The following RAP1GAP2 variants were observed in gnomAD, a reference collection of about 807,000 sequenced individuals.
RAP1GAP2 encodes rap1 GTPase-activating protein 2.
A neutral mutation model predicts 95.0 loss-of-function variants in RAP1GAP2; 27 were observed. The ratio of observed to expected loss-of-function variants is 0.28; its 90% CI spans 0.21 to 0.39. The LOEUF is 0.39. Among genes scored for constraint, RAP1GAP2 ranks in the 10% least tolerant of loss-of-function variants. The probability of loss-of-function intolerance (pLI) is 1.00; values close to 1 mark genes in which losing one functional copy is unlikely to be tolerated. For synonymous variants in RAP1GAP2, 373 were observed against 380.9 expected (o/e 0.98, Z 0.24); for missense variants, 771 against 970.0 (o/e 0.79, Z 2.72).
At chr17:2,810,638 C>T (rs1040741491) in intron 2 of RAP1GAP2, among the ~76,000 whole-genome samples, 1 of 139,500 alleles carries the variant, frequency 7.2e-6, no homozygotes, top group Admixed American at 8.2e-5. Flanking sequence ...TCAAGTGATT[C>T]TCCTGCCTTA....
At chr17:2,798,595 A>G (rs190039435) in intron 1 of RAP1GAP2, among the ~76,000 whole-genome samples, 1 of 122,932 alleles carries the variant, frequency 8.1e-6, no homozygotes, top group East Asian at 2.6e-4. Context: ...TCCAAGCTCC[A>G]TTGGATGCAG....
chr17:2,905,674 G>C (rs898293699), intron 3 of RAP1GAP2, among the ~76,000 whole-genome samples: 1 of 152,212 alleles, frequency 6.6e-6, no homozygotes, highest in Non-Finnish European at 1.5e-5. Context: ...GGGGATAGAA[G>C]GCAGCTGCCC....
At chr17:2,907,907 A>G (rs2042252170) in intron 3 of RAP1GAP2, among the ~76,000 whole-genome samples, 1 of 152,130 alleles carries the variant, frequency 6.6e-6, no homozygotes, top group Non-Finnish European at 1.5e-5. Context: ...CCTGGGTTCA[A>G]GCGCTTCTCC....
At chr17:2,915,179 C>T (rs1360141974) in intron 3 of RAP1GAP2, among the ~76,000 whole-genome samples, 1 of 152,130 alleles carries the variant, frequency 6.6e-6, no homozygotes, top group Non-Finnish European at 1.5e-5. Context: ...TGCCTGGGCT[C>T]CCAAATTGTT....
chr17:2,920,329 A>G (rs1220674365), intron 3 of RAP1GAP2, among the ~76,000 whole-genome samples: 1 of 152,120 alleles, frequency 6.6e-6, no homozygotes, highest in Non-Finnish European at 1.5e-5. Context: ...CTGATAGAGC[A>G]CTTGGCATTC....
In RAP1GAP2 at chr17:3,005,239, G is replaced by A. The variant is rs992256866; in HGVS notation, c.1201-130G>A. On this transcript the variant is annotated intron_variant, in intron 14 of 24. Transcript: ENST00000254695. The surrounding 1 kb of genome is among the most constrained non-coding windows in gnomAD (Gnocchi z 5.2). ...AGGGCCTGTGCTGGCGATGCTCACA[G>A]GAGTATTTTGTTTGTGTTCTGGGAA... 2 of 937,306 alleles carry A rather than the reference G, an allele frequency of 2.1e-6. No individual in the cohort carries two copies. The highest frequency in any genetic ancestry group is 3.5e-6 in the Non-Finnish European group (2 of 570,540). The allele number at this position is 937,306 out of a possible 1,614,324, so 58.1% of individuals were successfully genotyped here. A position where few individuals can be genotyped will look rare whatever the true frequency, so the allele number is the denominator to read the frequency against.
chr17:2,800,772 A>C (rs2069254169), intron 2 of RAP1GAP2, among the ~76,000 whole-genome samples: 1 of 151,712 alleles, frequency 6.6e-6, no homozygotes, highest in Admixed American at 6.6e-5. Context: ...CAGGGGCTAG[A>C]ATGGTGGGAG....
At chr17:2,974,435 A>T (rs1417623447) in intron 8 of RAP1GAP2, among the ~76,000 whole-genome samples, 4 of 152,082 alleles carry the variant, frequency 2.6e-5, no homozygotes, top group Non-Finnish European at 4.4e-5. Context: ...TTTCAGACAT[A>T]AAAAAATGGA....
rs916709975 is a variant in RAP1GAP2 at position 2,980,198 on chromosome 17, C to T, written c.597-89C>T. 7.0e-6 allele frequency: 9 copies of T among 1,279,062 alleles called. No individual in the cohort carries two copies. In the African/African-American group the frequency reaches 8.8e-5, roughly 12 times the overall value. The allele number at this position is 1,279,062 out of a possible 1,614,324, so 79.2% of individuals were successfully genotyped here. On this transcript the variant is annotated intron_variant, in intron 8 of 24. Transcript: ENST00000254695. Reference sequence around the variant, plus strand: ...CCTCAAGTGATCTGCCCTCCTTGGCCTCCCAAAATGCTGAGATGACAGGCA... The same window carrying T: ...CCTCAAGTGATCTGCCCTCCTTGGCTTCCCAAAATGCTGAGATGACAGGCA...
intron 2 of RAP1GAP2, among the ~76,000 whole-genome samples, chr17:2,836,120 G>T (rs2071117264): frequency 6.6e-6 from 1 of 152,124 alleles, no homozygotes; most frequent in South Asian, 2.1e-4. Flanking sequence ...TTCGGGGGGT[G>T]CTCCCTGTGG....
At chr17:2,864,151 A>G (rs1051873862) in intron 2 of RAP1GAP2, among the ~76,000 whole-genome samples, 3 of 151,842 alleles carry the variant, frequency 2.0e-5, no homozygotes, top group African/African-American at 4.8e-5. Context: ...GAGTGCAGAC[A>G]GCAGCAGCCC....
intron 2 of RAP1GAP2, among the ~76,000 whole-genome samples, chr17:2,858,085 G>T (rs1033128669): frequency 6.6e-6 from 1 of 152,128 alleles, no homozygotes; most frequent in Non-Finnish European, 1.5e-5. Flanking sequence ...GGGCAACACA[G>T]CGAGACTCTG....
chr17:2,856,688 AGGGAT>A (rs2072152768), intron 2 of RAP1GAP2, among the ~76,000 whole-genome samples: 1 of 152,140 alleles, frequency 6.6e-6, no homozygotes, highest in Non-Finnish European at 1.5e-5. Context: ...AGGGACAGGG[AGGGAT>A]TGGCTGGGAC....
In RAP1GAP2 at chr17:2,942,483, C is replaced by A. The variant is rs546790719; in HGVS notation, c.166-15276C>A. Among the ~76,000 whole-genome samples, 8 of 152,190 alleles carry A rather than the reference C, an allele frequency of 5.3e-5. 1 individual carries two copies. Among genetic ancestry groups the A allele is most frequent in the African/African-American group, 1.9e-4 (8 of 41,526 alleles). On this transcript the variant is annotated intron_variant, in intron 3 of 24. Transcript: ENST00000254695. ...ATCCATGTACAAAAATTGGGAGACTCACACAAAAAATTGGATTTCTGGCTT... is the reference window on the plus strand; with the variant it reads ...ATCCATGTACAAAAATTGGGAGACTAACACAAAAAATTGGATTTCTGGCTT...
intron 2 of RAP1GAP2, among the ~76,000 whole-genome samples, chr17:2,839,420 A>ATCCATTTGCTATAATTAACATTAGTGTGG (rs2071278492): frequency 1.3e-5 from 2 of 152,212 alleles, no homozygotes; most frequent in African/African-American, 2.4e-5. Flanking sequence ...CATTAGTACG[A>ATCCATTTGCTATAATTAACATTAGTGTGG]TCCATTTGCT....
rs554119944 is a variant in RAP1GAP2 at position 3,002,180 on chromosome 17, C to CT, written c.1201-3187dup. Among the ~76,000 whole-genome samples, 242 of 152,280 alleles carry CT rather than the reference C, an allele frequency of 1.6e-3. 1 individual carries two copies. In the Middle Eastern group the frequency reaches 0.024, roughly 15 times the overall value. On this transcript the variant is annotated intron_variant, in intron 14 of 24. Transcript: ENST00000254695. ...GTTTCACCATGTTGGCCAGACCGGCCTTGAACTCCTGACTTTGTGATCCAC... is the reference window on the plus strand; with the variant it reads ...GTTTCACCATGTTGGCCAGACCGGCCTTTGAACTCCTGACTTTGTGATCCAC...
chr17:2,921,039 G>A (rs1027892897), intron 3 of RAP1GAP2, among the ~76,000 whole-genome samples: 6 of 152,098 alleles, frequency 3.9e-5, no homozygotes, highest in Admixed American at 2.0e-4. Flanking sequence ...TGCCCCTCCC[G>A]CTGGCTTCTT....
chr17:3,018,249 C>A (rs374669627), intron 18 of RAP1GAP2, 51 bp downstream of exon 18: 16 of 1,519,476 alleles, frequency 1.1e-5, no homozygotes, highest in Admixed American at 4.7e-5. Context: ...GGAGGCCCCC[C>A]CCAGACCTAT....
upstream of RAP1GAP2, among the ~76,000 whole-genome samples, chr17:2,792,754 C>T (rs774471654): frequency 3.9e-5 from 6 of 152,248 alleles, no homozygotes; most frequent in South Asian, 6.2e-4. Flanking sequence ...GCACACCCCC[C>T]GGTGGGGGAA....
Sources: gnomAD v4.1 joint callset for allele counts (sites outside exome capture counted in the v4.1 genomes callset) on GRCh38, gnomAD v4.1.1 for gene constraint, Gnocchi (gnomAD v3.1) non-coding constraint, MANE v1.5 for transcripts, NCBI Gene and HGNC (gene_info 2026-07-23, HGNC 2026-07-21) for gene names.